Variants in CHRM5 observed in about 807,000 individuals in gnomAD.
The protein encoded by CHRM5 is muscarinic acetylcholine receptor M5.
CHRM5 carries 18 observed loss-of-function variants against 39.0 expected under a neutral mutation model. That is an observed-to-expected ratio of 0.46 (90% confidence interval 0.32 to 0.68). The LOEUF is 0.68. Among genes scored for constraint, CHRM5 ranks in the 30% least tolerant of loss-of-function variants. The pLI, the probability that CHRM5 is intolerant of heterozygous loss-of-function variation, is 0.04. For missense variants in CHRM5, 515 were observed against 651.1 expected (o/e 0.79, Z 2.28); for synonymous variants, 241 against 246.3 (o/e 0.98, Z 0.20).
intron 1 of CHRM5, among the ~76,000 whole-genome samples, chr15:33,984,493 C>G (rs941000671): frequency 2.0e-5 from 3 of 151,916 alleles, no homozygotes; most frequent in Non-Finnish European, 4.4e-5. Context: ...ACCTCCACCT[C>G]CCTGGTTCAA....
intron 2 of CHRM5, among the ~76,000 whole-genome samples, chr15:34,052,723 C>T (rs998116876): frequency 3.3e-5 from 5 of 152,036 alleles, no homozygotes; most frequent in Non-Finnish European, 5.9e-5. Flanking sequence ...AGAGCCAAAT[C>T]GTGAATGAAT....
intron 1 of CHRM5, among the ~76,000 whole-genome samples, chr15:34,039,581 G>A (rs2684941): frequency 0.49 from 74,465 of 151,940 alleles, 21,033 homozygotes; most frequent in Non-Finnish European, 0.64. Context: ...CCGAAGTCAG[G>A]GTTCAGGAGG....
chr15:34,008,954 G>GCA (rs57211791), intron 1 of CHRM5, among the ~76,000 whole-genome samples: 1,035 of 103,196 alleles, frequency 0.01, 7 homozygotes, highest in African/African-American at 0.015. Flanking sequence ...GTGCGCGCGC[G>GCA]CACACACACA....
At chr15:34,017,497 T>TTTTTTTAGACAGGG (rs1555516619) in intron 1 of CHRM5, among the ~76,000 whole-genome samples, 1 of 133,362 alleles carries the variant, frequency 7.5e-6, no homozygotes, top group Non-Finnish European at 1.7e-5. Context: ...TTTTTTTTTT[T>TTTTTTTAGACAGGG]TTTGAGACAG....
chr15:34,030,376 T>C (rs1037585603), intron 1 of CHRM5, among the ~76,000 whole-genome samples: 5 of 152,116 alleles, frequency 3.3e-5, no homozygotes, highest in Admixed American at 6.5e-5. Context: ...GACGGAGTCT[T>C]GCTCTGTCGC....
At chr15:34,052,434 C>G (rs1899957654) in intron 2 of CHRM5, among the ~76,000 whole-genome samples, 1 of 152,178 alleles carries the variant, frequency 6.6e-6, no homozygotes, top group African/African-American at 2.4e-5. Context: ...TGAAAACCAG[C>G]ACAAGACAAG....
intron 1 of CHRM5, among the ~76,000 whole-genome samples, chr15:33,973,312 TTTTGGTAC>T (rs1567441787): frequency 6.6e-6 from 1 of 152,188 alleles, no homozygotes; most frequent in African/African-American, 2.4e-5. Flanking sequence ...TTATAGAATT[TTTTGGTAC>T]AGTAACCTAG....
intron 1 of CHRM5, among the ~76,000 whole-genome samples, chr15:34,033,233 C>T (rs938290246): frequency 1.4e-4 from 22 of 152,092 alleles, no homozygotes; most frequent in Admixed American, 1.2e-3. Context: ...AGGCTGGGCG[C>T]GGTGGCTCAT....
At position 34,065,575 on chromosome 15, in the gene CHRM5, G is replaced by C. The variant is rs1249315788; in HGVS notation, c.*1259G>C. The stretch of plus-strand genomic sequence containing the variant: ...GAGAAGGCCAGAAAAGCACACTTGA[G>C]GGTGCGATGAAGCTGAAAATGATCT... On this transcript the variant is annotated 3_prime_UTR_variant, in exon 3 of 3. Coordinates refer to ENST00000383263, the MANE Select transcript of CHRM5 (RefSeq NM_012125.4). 3 of 152,198 alleles carry C rather than the reference G, an allele frequency of 2.0e-5. No individual in the cohort carries two copies. Among genetic ancestry groups the C allele is most frequent in the Admixed American group, 2.0e-4 (3 of 15,272 alleles). 9.4% of individuals were successfully genotyped at this position (152,198 alleles called of 1,614,324 possible). A position where few individuals can be genotyped will look rare whatever the true frequency, so the allele number is the denominator to read the frequency against.
intron 1 of CHRM5, among the ~76,000 whole-genome samples, chr15:33,993,666 T>G (rs1302127759): frequency 6.6e-6 from 1 of 152,108 alleles, no homozygotes; most frequent in Non-Finnish European, 1.5e-5. Flanking sequence ...CCAACATAAA[T>G]AACAATCATC....
Position 33,995,703 on chromosome 15 carries a change from C to T in CHRM5, c.-408+26553C>T, listed in dbSNP as rs936300777. Among the ~76,000 whole-genome samples, 4 of 152,222 alleles carry T rather than the reference C, an allele frequency of 2.6e-5. 1 individual carries two copies. The highest frequency in any genetic ancestry group is 2.0e-4 in the Admixed American group (3 of 15,290). On this transcript the variant is annotated intron_variant, in intron 1 of 2. Coordinates refer to ENST00000383263, the MANE Select transcript of CHRM5 (RefSeq NM_012125.4). ...ACCACACCAAACTGCAGGTCATAAG[C>T]CATTAGTGGGACATTATATCATTTG...
chr15:34,063,076 A>G lies in CHRM5; in HGVS notation c.359A>G (p.Asn120Ser). 6.2e-7 allele frequency: 1 copy of G among 1,613,988 alleles called. No homozygotes were observed. The highest frequency in any genetic ancestry group is 8.5e-7 in the Non-Finnish European group (1 of 1,179,996). The change falls in exon 3 of 3, where the codon AAC becomes AGC. Residue 120 changes from asparagine (N) to serine (S), a missense_variant. Coordinates refer to ENST00000383263, the MANE Select transcript of CHRM5 (RefSeq NM_012125.4). The surrounding 1 kb of genome is among the most constrained non-coding windows in gnomAD (Gnocchi z 4.1). ...GTGGCCAGCAACGCTTCTGTCATGA[A>G]CCTTCTGGTGATCAGTTTTGACCGT... ...DYVASNASVMNLLVISFDRYF... is the reference protein window; with the variant it reads ...DYVASNASVMSLLVISFDRYF...
chr15:34,015,527 G>A (rs970417958), intron 1 of CHRM5, among the ~76,000 whole-genome samples: 6 of 152,128 alleles, frequency 3.9e-5, no homozygotes, highest in Admixed American at 2.6e-4. Context: ...ATCCAAAAAT[G>A]TTTTATTATA....
chr15:34,017,497 T>TTTTTTG (rs1555516619), intron 1 of CHRM5, among the ~76,000 whole-genome samples: 1,333 of 132,854 alleles, frequency 0.01, 1 homozygote, highest in Non-Finnish European at 0.017. Flanking sequence ...TTTTTTTTTT[T>TTTTTTG]TTTGAGACAG....
chr15:33,988,112 A>G (rs1180631489), intron 1 of CHRM5, among the ~76,000 whole-genome samples: 1 of 152,252 alleles, frequency 6.6e-6, no homozygotes, highest in Non-Finnish European at 1.5e-5. Context: ...GCCTGCCTCC[A>G]GCCCAAAGGC....
At chr15:34,030,162 G>A (rs971477275) in intron 1 of CHRM5, among the ~76,000 whole-genome samples, 1 of 152,118 alleles carries the variant, frequency 6.6e-6, no homozygotes, top group African/African-American at 2.4e-5. Context: ...GCTGAGGCAG[G>A]AGAATCTCTT....
intron 1 of CHRM5, among the ~76,000 whole-genome samples, chr15:33,975,549 G>T (rs1339241882): frequency 1.3e-5 from 2 of 152,198 alleles, no homozygotes; most frequent in South Asian, 2.1e-4. Context: ...AAAATTATTT[G>T]CAATCAAGAA....
At chr15:34,042,767 G>T (rs928106109) in intron 1 of CHRM5, among the ~76,000 whole-genome samples, 10 of 151,996 alleles carry the variant, frequency 6.6e-5, no homozygotes, top group Non-Finnish European at 1.5e-4. Context: ...CAAAATGTAG[G>T]CCAGAAAAAT....
intron 1 of CHRM5, among the ~76,000 whole-genome samples, chr15:33,986,782 G>A (rs967346650): frequency 6.6e-6 from 1 of 151,482 alleles, no homozygotes; most frequent in Non-Finnish European, 1.5e-5. Context: ...TCAGCCGCCC[G>A]AGTAGCTGGG....
Sources: allele counts gnomAD v4.1 joint callset (sites outside exome capture counted in the v4.1 genomes callset), GRCh38; gene constraint gnomAD v4.1.1; non-coding constraint Gnocchi (gnomAD v3.1); transcripts MANE v1.5; gene names NCBI Gene and HGNC (gene_info 2026-07-23, HGNC 2026-07-21).